The following SLC30A6 variants were observed in gnomAD, a reference collection of about 807,000 sequenced individuals.
The protein encoded by SLC30A6 is solute carrier family 30 member 6.
A neutral mutation model predicts 63.0 loss-of-function variants in SLC30A6; 55 were observed. That is an observed-to-expected ratio of 0.87 (90% CI 0.70 to 1.09). SLC30A6 has a LOEUF of 1.09. Ranked by LOEUF, SLC30A6 falls within the 50% of genes least tolerant of loss-of-function variation. SLC30A6 has a pLI of 0.00. For synonymous variants in SLC30A6, 224 were observed against 186.1 expected, an observed-to-expected ratio of 1.20 and a Z score of -1.66; for missense variants, 587 against 549.2, an observed-to-expected ratio of 1.07 and a Z score of -0.69.
At chr2:32,216,292 T>C (rs1176127720) in intron 13 of SLC30A6, among the ~76,000 whole-genome samples, 1 of 152,130 alleles carries the variant, frequency 6.6e-6, no homozygotes, top group Admixed American at 6.6e-5. Flanking sequence ...TCCCAGCACT[T>C]TGGGAGGCCG....
chr2:32,197,509 A>C, intron 9 of SLC30A6, 117 bp downstream of exon 9: 1 of 1,235,802 alleles, frequency 8.1e-7, no homozygotes, highest in Non-Finnish European at 1.2e-6. Flanking sequence ...CACACAGGTC[A>C]GATTGTTATT....
At chr2:32,215,237 C>T (rs567039137) in intron 13 of SLC30A6, among the ~76,000 whole-genome samples, 1 of 151,956 alleles carries the variant, frequency 6.6e-6, no homozygotes, top group Non-Finnish European at 1.5e-5. Context: ...CTCTGTTGCC[C>T]AGCCTGGAGT....
intron 1 of SLC30A6, among the ~76,000 whole-genome samples, chr2:32,169,519 C>T (rs1680995434): frequency 1.3e-5 from 2 of 152,166 alleles, no homozygotes; most frequent in African/African-American, 4.8e-5. Context: ...TGGCTCACGC[C>T]TGTAATCCCA....
At chr2:32,190,466 A>T (rs1187081391) in intron 5 of SLC30A6, among the ~76,000 whole-genome samples, 1 of 152,116 alleles carries the variant, frequency 6.6e-6, no homozygotes, top group African/African-American at 2.4e-5. Context: ...CTCAAAAAAA[A>T]AAAAAAAAGT....
chr2:32,209,414 C>G (rs1558420861), intron 12 of SLC30A6, 79 bp from the exon 13 acceptor site: 1 of 1,132,960 alleles, frequency 8.8e-7, no homozygotes, highest in Non-Finnish European at 1.3e-6. Context: ...TAAGTTTAAA[C>G]TAAGTCCATA....
At chr2:32,184,194 T>C in intron 4 of SLC30A6, 79 bp from the exon 5 acceptor site, 1 of 660,358 alleles carries the variant, frequency 1.5e-6, no homozygotes, top group South Asian at 2.8e-5. Flanking sequence ...TTCAACCACT[T>C]AGGAATTCTG....
At chr2:32,207,666 G>A (rs1684894714) in intron 12 of SLC30A6, among the ~76,000 whole-genome samples, 1 of 132,962 alleles carries the variant, frequency 7.5e-6, no homozygotes, top group South Asian at 2.5e-4. Context: ...TGTCCACAGC[G>A]CCTGGCCCGC....
intron 10 of SLC30A6, chr2:32,202,011 A>G: frequency 5.2e-6 from 6 of 1,158,584 alleles, no homozygotes. Context: ...TGAATGAGAT[A>G]TTGATGAATA....
chr2:32,197,871 A>G (rs942825341), intron 10 of SLC30A6, 45 bp downstream of exon 10: 1 of 1,606,704 alleles, frequency 6.2e-7, no homozygotes, highest in Non-Finnish European at 8.5e-7. Flanking sequence ...ATTTCTGGGG[A>G]CTTACTTTTA....
At chr2:32,217,594 A>G (rs771058820) in intron 13 of SLC30A6, among the ~76,000 whole-genome samples, 3 of 151,998 alleles carry the variant, frequency 2.0e-5, no homozygotes, top group Non-Finnish European at 2.9e-5. Context: ...TTCTACTTCT[A>G]TGAAAAATGA....
At chr2:32,189,858 C>T (rs1447632534) in intron 5 of SLC30A6, among the ~76,000 whole-genome samples, 1 of 151,892 alleles carries the variant, frequency 6.6e-6, no homozygotes, top group African/African-American at 2.4e-5. Context: ...CTCCCACACC[C>T]CGAGTAGCTG....
chr2:32,202,478 C>T (rs1172309420), intron 10 of SLC30A6: 8 of 264,410 alleles, frequency 3.0e-5, no homozygotes, highest in Middle Eastern at 1.4e-3. Context: ...TACAGGCACC[C>T]GCCACCACCC....
chr2:32,173,408 C>G (rs1022262105), intron 2 of SLC30A6, among the ~76,000 whole-genome samples: 4 of 150,140 alleles, frequency 2.7e-5, no homozygotes, highest in Non-Finnish European at 5.9e-5. Context: ...GAGTCTCGCT[C>G]TGTCGCCCAG....
chr2:32,177,808 T>C (rs1681908218), intron 4 of SLC30A6, among the ~76,000 whole-genome samples: 1 of 151,926 alleles, frequency 6.6e-6, no homozygotes, highest in Admixed American at 6.6e-5. Context: ...TTTGTATTTT[T>C]AGTAGAGACA....
chr2:32,218,386 A>G (rs1685885758), intron 13 of SLC30A6, among the ~76,000 whole-genome samples: 1 of 152,190 alleles, frequency 6.6e-6, no homozygotes, highest in Non-Finnish European at 1.5e-5. Flanking sequence ...CCTTGATATC[A>G]TCTTTGATGA....
intron 5 of SLC30A6, among the ~76,000 whole-genome samples, chr2:32,188,671 G>A (rs985620441): frequency 2.6e-5 from 4 of 151,990 alleles, no homozygotes; most frequent in East Asian, 1.9e-4. Context: ...TCCATCCTCC[G>A]TCTCAAAAAA....
At chr2:32,174,558 T>TC (rs1303594089) in intron 3 of SLC30A6, among the ~76,000 whole-genome samples, 1 of 143,346 alleles carries the variant, frequency 7.0e-6, no homozygotes, top group Non-Finnish European at 1.5e-5. Flanking sequence ...ATTTTTTTTT[T>TC]TTTTTTTTTT....
chr2:32,220,246 G>A lies in SLC30A6; in HGVS notation c.919G>A (p.Ala307Thr). 1 of 1,614,046 alleles carries A rather than the reference G, an allele frequency of 6.2e-7. No homozygotes were observed. The highest frequency in any genetic ancestry group is 8.5e-7 in the Non-Finnish European group (1 of 1,179,940). ...AGTGCATGTAAGAATTCGACGAGAT[G>A]CCAATGAACAAATGGTTCTTGCTCA... is the stretch of plus-strand genomic sequence containing the variant. ...GSVHVRIRRD[A>T]NEQMVLAHVT... The change falls in exon 14 of 14, where the codon GCC becomes ACC. Residue 307 changes from alanine to threonine, a missense_variant. Ala to Thr is a moderately conservative substitution (Grantham distance 58). Coordinates refer to ENST00000282587, the MANE Select transcript of SLC30A6 (RefSeq NM_017964.5).
intron 5 of SLC30A6, among the ~76,000 whole-genome samples, chr2:32,185,540 T>C (rs1031016653): frequency 6.6e-6 from 1 of 152,102 alleles, no homozygotes; most frequent in Non-Finnish European, 1.5e-5. Context: ...GTAAAGAAAC[T>C]TTTGGACCAA....
Sources: allele counts gnomAD v4.1 joint callset (sites outside exome capture counted in the v4.1 genomes callset), GRCh38; gene constraint gnomAD v4.1.1; transcripts MANE v1.5; gene names NCBI Gene and HGNC (gene_info 2026-07-23, HGNC 2026-07-21).